The following AP4S1 variants were observed in gnomAD, a reference collection of about 807,000 sequenced individuals.
The protein encoded by AP4S1 is adaptor related protein complex 4 subunit sigma 1.
AP4S1 carries 23 observed loss-of-function variants against 19.8 expected under a neutral mutation model. That is an observed-to-expected ratio of 1.16 (90% confidence interval 0.84 to 1.65). The LOEUF (loss-of-function observed/expected upper bound fraction) is 1.65, where lower values mean the gene tolerates loss of function less well. Among genes scored for constraint, AP4S1 ranks in the 40% most tolerant of loss-of-function variants. The pLI is 0.00. For missense variants in AP4S1, 166 were observed against 172.8 expected, an observed-to-expected ratio of 0.96 and a Z score of 0.22; for synonymous variants, 46 against 54.1, an observed-to-expected ratio of 0.85 and a Z score of 0.66.
intron 1 of AP4S1, among the ~76,000 whole-genome samples, chr14:31,028,181 T>G (rs1884154939): frequency 9.5e-6 from 1 of 105,392 alleles, no homozygotes; most frequent in Non-Finnish European, 1.8e-5. Context: ...ATTATTTTAT[T>G]TATTTTTTTT....
chr14:31,074,360 T>TAAAGAAAG (rs1566539620), intron 4 of AP4S1, among the ~76,000 whole-genome samples: 4 of 133,444 alleles, frequency 3.0e-5, no homozygotes, highest in African/African-American at 1.1e-4. Context: ...AATAAATAAA[T>TAAAGAAAG]AAATAAAGTA....
intron 3 of AP4S1, 132 bp downstream of exon 3, chr14:31,070,061 C>G (rs1886919454): frequency 1.3e-6 from 1 of 753,042 alleles, no homozygotes; most frequent in Non-Finnish European, 2.4e-6. Flanking sequence ...GTGGCATGAT[C>G]TCAGCTCACT....
intron 1 of AP4S1, among the ~76,000 whole-genome samples, chr14:31,045,761 C>T (rs946523715): frequency 2.0e-5 from 3 of 151,932 alleles, no homozygotes; most frequent in African/African-American, 7.3e-5. Flanking sequence ...TTGAAATTTC[C>T]TAAGTAGTAG....
intron 1 of AP4S1, among the ~76,000 whole-genome samples, chr14:31,058,527 A>ATGTGTGTG (rs140119208): frequency 0.015 from 2,033 of 136,514 alleles, 22 homozygotes; most frequent in Middle Eastern, 0.022. Flanking sequence ...CTGTGTGTGT[A>ATGTGTGTG]TGTGTGTGTG....
intron 4 of AP4S1, among the ~76,000 whole-genome samples, chr14:31,080,223 T>C (rs953438673): frequency 6.6e-6 from 1 of 152,232 alleles, no homozygotes; most frequent in Admixed American, 6.5e-5. Flanking sequence ...GATAAACTAC[T>C]AGAAGTAACG....
At chr14:31,085,810 T>C (rs1161954249) in intron 5 of AP4S1, 2 of 981,846 alleles carry the variant, frequency 2.0e-6, no homozygotes, top group African/African-American at 1.7e-5. Flanking sequence ...ACATTCCTGT[T>C]TGTATTTTAT....
intron 3 of AP4S1, among the ~76,000 whole-genome samples, chr14:31,072,494 G>A (rs780279311): frequency 3.7e-4 from 57 of 152,072 alleles, no homozygotes; most frequent in Middle Eastern, 3.4e-3. Context: ...CCTCAGTCTC[G>A]CAAGTAGCTG....
At chr14:31,087,253 A>G (rs1011301831) in intron 5 of AP4S1, among the ~76,000 whole-genome samples, 1 of 152,152 alleles carries the variant, frequency 6.6e-6, no homozygotes, top group Non-Finnish European at 1.5e-5. Flanking sequence ...ACATGTCCCA[A>G]TCCATAGAGC....
chr14:31,047,894 C>T (rs1044749483), intron 1 of AP4S1, among the ~76,000 whole-genome samples: 1 of 152,124 alleles, frequency 6.6e-6, no homozygotes, highest in Admixed American at 6.6e-5. Context: ...CCAGACTGTT[C>T]TTGAACTCCT....
intron 1 of AP4S1, among the ~76,000 whole-genome samples, chr14:31,047,864 T>C (rs1386247462): frequency 6.6e-6 from 1 of 152,116 alleles, no homozygotes; most frequent in Non-Finnish European, 1.5e-5. Context: ...TTAGTAGAGA[T>C]GAGGGTTTTG....
intron 1 of AP4S1, among the ~76,000 whole-genome samples, chr14:31,032,279 G>C (rs751039949): frequency 2.6e-5 from 4 of 152,048 alleles, no homozygotes; most frequent in Non-Finnish European, 5.9e-5. Flanking sequence ...TTCCTAAATA[G>C]GGTGTCTAAT....
At chr14:31,067,309 C>T (rs1034990305) in intron 2 of AP4S1, among the ~76,000 whole-genome samples, 1 of 150,164 alleles carries the variant, frequency 6.7e-6, no homozygotes, top group Non-Finnish European at 1.5e-5. Context: ...TTCTAGGGTA[C>T]ATGTGGACAA....
intron 1 of AP4S1, among the ~76,000 whole-genome samples, chr14:31,053,799 A>G (rs1416205954): frequency 6.6e-6 from 1 of 151,922 alleles, no homozygotes; most frequent in African/African-American, 2.4e-5. Context: ...TAAAGATACC[A>G]GAAGAGAATA....
intron 1 of AP4S1, among the ~76,000 whole-genome samples, chr14:31,062,893 G>A (rs1393364932): frequency 2.0e-5 from 3 of 152,038 alleles, no homozygotes; most frequent in African/African-American, 7.2e-5. Context: ...CATGAACCCG[G>A]GAGGCGGAGC....
chr14:31,066,315 T>C lies in AP4S1; in HGVS notation c.119T>C (p.Leu40Pro). The C allele has an allele frequency of 6.2e-7, 1 of 1,614,006 alleles. No homozygotes were observed. The highest frequency in any genetic ancestry group is 1.3e-5 in the African/African-American group (1 of 75,048). Residue 40 changes from leucine (L) to proline (P), a missense_variant, in exon 2 of 6, where the codon CTC becomes CCC. Leu to Pro is a moderately conservative substitution (Grantham distance 98). Transcript: ENST00000542754. ...LLETEVIKSCLSRSNEQCSFI... is the reference protein window; with the variant it reads ...LLETEVIKSCPSRSNEQCSFI... ...GAAACAGAAGTCATAAAGAGCTGTC[T>C]CTCTCGATCCAATGAACAAGTAAGT...
At chr14:31,077,572 C>G (rs1244319624) in intron 4 of AP4S1, among the ~76,000 whole-genome samples, 1 of 152,136 alleles carries the variant, frequency 6.6e-6, no homozygotes, top group Non-Finnish European at 1.5e-5. Context: ...TGGGCCCCAT[C>G]CCAGACCATT....
At chr14:31,064,733 G>T (rs550213982) in intron 1 of AP4S1, among the ~76,000 whole-genome samples, 3 of 152,310 alleles carry the variant, frequency 2.0e-5, no homozygotes, top group South Asian at 4.1e-4. Flanking sequence ...AAAGCAGGAG[G>T]ATCACTTGAG....
rs182621438 is a variant in AP4S1, at chr14:31,096,345, T to C, written c.*3310T>C. On this transcript the variant is annotated 3_prime_UTR_variant, in exon 6 of 6. Transcript: ENST00000542754. ...AGTATGTACAGTAGTCCCTCTCTTA[T>C]CCACTGTTTCGCATTCTGTGGTTTG... The C allele has an allele frequency of 1.8e-4, 27 of 152,278 alleles. No homozygotes were observed. The highest frequency in any genetic ancestry group is 1.3e-3 in the Admixed American group (20 of 15,276). 9.4% of individuals were successfully genotyped at this position (152,278 alleles called of 1,614,324 possible).
intron 1 of AP4S1, among the ~76,000 whole-genome samples, chr14:31,028,741 C>T (rs941856831): frequency 5.9e-5 from 9 of 151,984 alleles, no homozygotes; most frequent in African/African-American, 9.7e-5. Context: ...GGCAAAACCC[C>T]GTCTCTACCA....
Sources: gnomAD v4.1 joint callset for allele counts (sites outside exome capture counted in the v4.1 genomes callset) on GRCh38, gnomAD v4.1.1 for gene constraint, MANE v1.5 for transcripts, NCBI Gene and HGNC (gene_info 2026-07-23, HGNC 2026-07-21) for gene names.